SHISA9: variants seen among roughly 807,000 people sequenced by gnomAD.
SHISA9 encodes the protein protein shisa-9.
A neutral mutation model predicts 38.0 loss-of-function variants in SHISA9; 13 were observed. The ratio of observed to expected loss-of-function variants is 0.34; its 90% CI spans 0.22 to 0.54. SHISA9 has a LOEUF of 0.54. Ranked by LOEUF, SHISA9 falls within the 20% of genes least tolerant of loss-of-function variation. The pLI is 0.91. For synonymous variants in SHISA9, 275 were observed against 242.0 expected, an observed-to-expected ratio of 1.14 and a Z score of -1.27; for missense variants, 538 against 575.8, an observed-to-expected ratio of 0.93 and a Z score of 0.67.
At chr16:13,551,433 G>T in the SHISA9 span, among the ~76,000 whole-genome samples, 1 of 152,148 alleles carries the variant, frequency 6.6e-6, no homozygotes, top group African/African-American at 2.4e-5. Context: ...ACATGAATGG[G>T]TTTGCCTATT....
chr16:13,416,620 G>T, the SHISA9 span, among the ~76,000 whole-genome samples: 1 of 152,094 alleles, frequency 6.6e-6, no homozygotes, highest in Non-Finnish European at 1.5e-5. Flanking sequence ...GCTAAGGCAG[G>T]AGGATTGCTT....
At chr16:13,069,270 G>A (rs533135685) in intron 2 of SHISA9, among the ~76,000 whole-genome samples, 1 of 152,256 alleles carries the variant, frequency 6.6e-6, no homozygotes, top group East Asian at 1.9e-4. Flanking sequence ...CATGCAATGT[G>A]TGCGTGTGTG....
chr16:13,345,273 GA>G, the SHISA9 span, among the ~76,000 whole-genome samples: 1 of 151,960 alleles, frequency 6.6e-6, no homozygotes, highest in Non-Finnish European at 1.5e-5. Context: ...CTCCACCTCT[GA>G]AAGGCCCAAG....
chr16:13,487,540 C>A, the SHISA9 span, among the ~76,000 whole-genome samples: 1 of 152,198 alleles, frequency 6.6e-6, no homozygotes, highest in Non-Finnish European at 1.5e-5. Flanking sequence ...AAGGGGACGG[C>A]CCAAGCCTTT....
chr16:13,411,398 G>A, the SHISA9 span, among the ~76,000 whole-genome samples: 1 of 152,208 alleles, frequency 6.6e-6, no homozygotes, highest in African/African-American at 2.4e-5. Context: ...TTCAACAGTT[G>A]TAGCAATGGC....
At chr16:13,139,804 T>C (rs921501362) in intron 2 of SHISA9, among the ~76,000 whole-genome samples, 2 of 152,162 alleles carry the variant, frequency 1.3e-5, no homozygotes, top group Non-Finnish European at 2.9e-5. Flanking sequence ...TATTTGGCAT[T>C]GCTCAGCAAG....
At chr16:12,936,000 G>C (rs770884403) in intron 2 of SHISA9, among the ~76,000 whole-genome samples, 1 of 152,126 alleles carries the variant, frequency 6.6e-6, no homozygotes, top group Non-Finnish European at 1.5e-5. Context: ...GAAGAGAGGG[G>C]CTGCCTTCCA....
intron 2 of SHISA9, among the ~76,000 whole-genome samples, chr16:13,143,310 T>A (rs2050418912): frequency 6.6e-6 from 1 of 152,034 alleles, no homozygotes; most frequent in African/African-American, 2.4e-5. Flanking sequence ...ATGCCCAGCC[T>A]CTCCTTTATT....
chr16:13,489,877 A>C, the SHISA9 span, among the ~76,000 whole-genome samples: 1 of 152,208 alleles, frequency 6.6e-6, no homozygotes. Flanking sequence ...GCAGGTAAGT[A>C]GCAGATCTGG....
the SHISA9 span, among the ~76,000 whole-genome samples, chr16:13,501,429 G>T: frequency 6.6e-6 from 1 of 152,204 alleles, no homozygotes. Context: ...TTTATGCCAA[G>T]GGCAGTGGGA....
At chr16:13,120,386 C>T (rs956285915) in intron 2 of SHISA9, among the ~76,000 whole-genome samples, 4 of 152,074 alleles carry the variant, frequency 2.6e-5, no homozygotes, top group Admixed American at 6.5e-5. Flanking sequence ...TCCTTCCCCA[C>T]GAAAAGGATG....
chr16:12,970,351 G>GTATATATATATACACATATA, intron 2 of SHISA9, among the ~76,000 whole-genome samples: 1 of 44,898 alleles, frequency 2.2e-5, no homozygotes, highest in South Asian at 4.8e-4. Flanking sequence ...ATACATATAT[G>GTATATATATATACACATATA]TGTATATATA....
chr16:12,918,907 TAAG>T (rs1371805614), intron 2 of SHISA9, among the ~76,000 whole-genome samples: 1 of 152,180 alleles, frequency 6.6e-6, no homozygotes, highest in Non-Finnish European at 1.5e-5. Flanking sequence ...ATAACAAAAA[TAAG>T]AAGAATGTGA....
At chr16:13,109,661 G>A (rs1205752648) in intron 2 of SHISA9, among the ~76,000 whole-genome samples, 1 of 152,132 alleles carries the variant, frequency 6.6e-6, no homozygotes, top group African/African-American at 2.4e-5. Context: ...ACCCCAATAA[G>A]ATCCTTGTGC....
At chr16:13,002,533 C>CTT (rs35810010) in intron 2 of SHISA9, among the ~76,000 whole-genome samples, 5,013 of 125,562 alleles carry the variant, frequency 0.04, 197 homozygotes, top group African/African-American at 0.08. Flanking sequence ...TGGTTCCTGT[C>CTT]TTTTTTTTTT....
Position 13,073,219 on chromosome 16 carries a change from TCTC to T in SHISA9, c.692-130174_692-130172del, listed in dbSNP as rs1372494875. Among the ~76,000 whole-genome samples the T allele has an allele frequency of 7.4e-4, 107 of 144,264 alleles. 1 individual carries two copies. Among genetic ancestry groups the T allele is most frequent in the African/African-American group, 2.5e-3 (98 of 38,862 alleles). 94.6% of individuals were successfully genotyped at this position (144,264 alleles called of 152,430 possible). Reference sequence around the variant, plus strand: ...CAACTCTCTCCTATCTCTCTCTCTCTCTCTTTTTTTTTTTTTTTTTGTACAACA... The same window carrying T: ...CAACTCTCTCCTATCTCTCTCTCTCTTTTTTTTTTTTTTTTTTGTACAACA... On this transcript the variant is annotated intron_variant, in intron 2 of 4. Coordinates refer to ENST00000558583, the MANE Select transcript of SHISA9 (RefSeq NM_001145204.3).
At chr16:13,329,370 G>A in the SHISA9 span, among the ~76,000 whole-genome samples, 32 of 152,052 alleles carry the variant, frequency 2.1e-4, no homozygotes, top group African/African-American at 7.7e-4. Context: ...TCTTCTTGGG[G>A]CAAGACGATG....
At chr16:13,527,279 A>G in the SHISA9 span, among the ~76,000 whole-genome samples, 74 of 152,334 alleles carry the variant, frequency 4.9e-4, no homozygotes, top group African/African-American at 1.5e-3. Context: ...AATCTCCCTC[A>G]GCGTTTTTGG....
chr16:13,265,672 G>A, the SHISA9 span, among the ~76,000 whole-genome samples: 1 of 145,646 alleles, frequency 6.9e-6, no homozygotes, highest in Non-Finnish European at 1.5e-5. Context: ...AATATTCATC[G>A]AGTGCAGTGC....
Sources: allele counts gnomAD v4.1 joint callset (sites outside exome capture counted in the v4.1 genomes callset), GRCh38; gene constraint gnomAD v4.1.1; transcripts MANE v1.5; gene names NCBI Gene and HGNC (gene_info 2026-07-23, HGNC 2026-07-21).